Variants in MRPS6 observed in about 807,000 individuals in gnomAD.
MRPS6 encodes the protein small ribosomal subunit protein bS6m.
MRPS6 carries 6 observed loss-of-function variants against 13.1 expected under a neutral mutation model. The ratio of observed to expected loss-of-function variants is 0.46; its 90% CI spans 0.25 to 0.91. The LOEUF (loss-of-function observed/expected upper bound fraction) is 0.91, where lower values mean the gene tolerates loss of function less well. Among genes scored for constraint, MRPS6 ranks in the 40% least tolerant of loss-of-function variants. The pLI, the probability that MRPS6 is intolerant of heterozygous loss-of-function variation, is 0.18. For synonymous variants in MRPS6, 61 were observed against 56.5 expected, an observed-to-expected ratio of 1.08 and a Z score of -0.36; for missense variants, 164 against 155.6, an observed-to-expected ratio of 1.05 and a Z score of -0.29.
intron 1 of MRPS6, among the ~76,000 whole-genome samples, chr21:34,081,943 A>G (rs375585712): frequency 4.6e-5 from 7 of 152,234 alleles, no homozygotes; most frequent in African/African-American, 1.4e-4. Context: ...GTTGGTGCTT[A>G]CTACTCTGCT....
At chr21:34,127,022 G>A (rs938606736) in intron 2 of MRPS6, among the ~76,000 whole-genome samples, 2 of 152,306 alleles carry the variant, frequency 1.3e-5, no homozygotes, top group Admixed American at 1.3e-4. Flanking sequence ...GGAGCCCACT[G>A]GGACCAAGCC....
At chr21:34,081,862 T>C (rs1311001682) in intron 1 of MRPS6, among the ~76,000 whole-genome samples, 1 of 152,212 alleles carries the variant, frequency 6.6e-6, no homozygotes, top group Non-Finnish European at 1.5e-5. Context: ...TCTAAGTTTA[T>C]TTCATCAGAA....
At chr21:34,133,041 C>A (rs574577937) in intron 2 of MRPS6, among the ~76,000 whole-genome samples, 1 of 152,228 alleles carries the variant, frequency 6.6e-6, no homozygotes, top group Non-Finnish European at 1.5e-5. Flanking sequence ...GCTGCTGGAC[C>A]CCAACCAACA....
rs140345388 is a variant in MRPS6 at position 34,138,180 on chromosome 21, C to T, written c.186-4228C>T. Among the ~76,000 whole-genome samples the T allele has an allele frequency of 1.6e-4, 24 of 150,920 alleles. No homozygotes were observed. In the East Asian group the frequency reaches 2.0e-3, roughly 12 times the overall value. ...GTATTTTTGTCAGATGAGTAGGTTG[C>T]GAAAATTTTCTCCCATTTTGTAGGT... is the stretch of plus-strand genomic sequence containing the variant. On this transcript the variant is annotated intron_variant, in intron 2 of 2. Transcript: ENST00000399312.
At chr21:34,092,740 C>G (rs1783301) in intron 1 of MRPS6, among the ~76,000 whole-genome samples, 1 of 152,210 alleles carries the variant, frequency 6.6e-6, no homozygotes, top group Admixed American at 6.5e-5. Flanking sequence ...GCAGCAGCTA[C>G]TATGACACAT....
intron 1 of MRPS6, chr21:34,105,009 T>C (rs1048650874): frequency 6.4e-5 from 64 of 999,956 alleles, no homozygotes; most frequent in Non-Finnish European, 7.6e-5. Flanking sequence ...CACTGTGAGA[T>C]CTCTAACTTT....
intron 1 of MRPS6, among the ~76,000 whole-genome samples, chr21:34,121,026 G>A (rs59926993): frequency 7.1e-6 from 1 of 140,692 alleles, no homozygotes; most frequent in African/African-American, 3.2e-5. Flanking sequence ...GCACCTGTTC[G>A]ATGAGTGTGG....
intron 2 of MRPS6, among the ~76,000 whole-genome samples, chr21:34,127,094 C>T (rs1051929420): frequency 5.9e-5 from 9 of 152,138 alleles, no homozygotes; most frequent in African/African-American, 1.7e-4. Flanking sequence ...GCATGTGCCT[C>T]GCTGAGGAAT....
intron 1 of MRPS6, chr21:34,095,332 C>G (rs1978916274): frequency 6.2e-7 from 1 of 1,613,960 alleles, no homozygotes; most frequent in Non-Finnish European, 8.5e-7. Flanking sequence ...GCGGGGCGCT[C>G]TATGACCTGG....
At position 34,142,784 on chromosome 21, in the gene MRPS6, C is replaced by T. The variant is rs1241159710; in HGVS notation, c.*184C>T. The T allele has an allele frequency of 8.9e-6, 5 of 560,502 alleles. No homozygotes were observed. The highest frequency in any genetic ancestry group is 3.8e-5 in the South Asian group (1 of 26,070). The allele number at this position is 560,502 out of a possible 1,614,324, so 34.7% of individuals were successfully genotyped here. A position where few individuals can be genotyped will look rare whatever the true frequency, so the allele number is the denominator to read the frequency against. On this transcript the variant is annotated 3_prime_UTR_variant, in exon 3 of 3. Transcript: ENST00000399312. ...CGAGAGGTGGGGAACTGCTCACTGA[C>T]AGCTTCTCTGTAACCTGCAGTACCA...
intron 1 of MRPS6, among the ~76,000 whole-genome samples, chr21:34,087,093 G>A (rs146677078): frequency 3.3e-5 from 5 of 152,336 alleles, no homozygotes; most frequent in Admixed American, 2.0e-4. Context: ...TAGGTGGTAG[G>A]TTGAGGGAGA....
At chr21:34,141,002 T>G (rs1569426984) in intron 2 of MRPS6, among the ~76,000 whole-genome samples, 1 of 152,254 alleles carries the variant, frequency 6.6e-6, no homozygotes, top group Non-Finnish European at 1.5e-5. Flanking sequence ...CTTACAAGTT[T>G]TGAACCTCTT....
At chr21:34,128,680 C>T (rs546744065) in intron 2 of MRPS6, among the ~76,000 whole-genome samples, 1 of 152,274 alleles carries the variant, frequency 6.6e-6, no homozygotes, top group South Asian at 2.1e-4. Context: ...AGTGGAACAA[C>T]TTGATGGTTA....
chr21:34,106,206 A>G (rs1602942275), intron 1 of MRPS6: 1 of 973,228 alleles, frequency 1.0e-6, no homozygotes, highest in Non-Finnish European at 1.2e-6. Context: ...TATAGTAATT[A>G]TTTTATGGAA....
chr21:34,142,681 T>C lies in MRPS6; in HGVS notation c.*81T>C. 1 of 1,441,112 alleles carries C rather than the reference T, an allele frequency of 6.9e-7. No individual in the cohort carries two copies. The highest frequency in any genetic ancestry group is 9.1e-7 in the Non-Finnish European group (1 of 1,099,788). 89.3% of individuals were successfully genotyped at this position (1,441,112 alleles called of 1,614,324 possible). ...GACGAGAAGGAAGAATTTGCAAGTT[T>C]GGCCTTTATATAAGCATGTGTTGCA... On this transcript the variant is annotated 3_prime_UTR_variant, in exon 3 of 3. Transcript: ENST00000399312.
At chr21:34,074,849 A>G (rs142738528) in intron 1 of MRPS6, among the ~76,000 whole-genome samples, 66 of 152,328 alleles carry the variant, frequency 4.3e-4, no homozygotes, top group African/African-American at 1.5e-3. Flanking sequence ...TCAATTGATA[A>G]ACTAACAATC....
chr21:34,113,009 G>GAAC (rs201419036), intron 1 of MRPS6, among the ~76,000 whole-genome samples: 13 of 151,710 alleles, frequency 8.6e-5, no homozygotes, highest in African/African-American at 1.2e-4. Flanking sequence ...ACAAACAAAT[G>GAAC]AACAACAACA....
intron 1 of MRPS6, chr21:34,094,720 G>A (rs1274769342): frequency 7.3e-6 from 1 of 136,486 alleles, no homozygotes; most frequent in African/African-American, 2.8e-5. Flanking sequence ...CTTTCCTGTG[G>A]AACTGAAGTG....
intron 1 of MRPS6, 30 bp from the exon 2 acceptor site, chr21:34,125,311 T>C (rs775349385): frequency 1.2e-6 from 2 of 1,603,954 alleles, no homozygotes; most frequent in Non-Finnish European, 1.7e-6. Flanking sequence ...TGCTTTTTTT[T>C]CTTTTCTTTA....
Sources: gnomAD v4.1 joint callset for allele counts (sites outside exome capture counted in the v4.1 genomes callset) on GRCh38, gnomAD v4.1.1 for gene constraint, MANE v1.5 for transcripts, NCBI Gene and HGNC (gene_info 2026-07-23, HGNC 2026-07-21) for gene names.